The following NRXN3 variants were observed in gnomAD, a reference collection of about 807,000 sequenced individuals.
NRXN3 encodes neurexin III.
In NRXN3, 32 loss-of-function variants were observed where a neutral mutation model predicts 137.6. The observed-to-expected ratio is 0.23, with a 90% confidence interval of 0.18 to 0.31. The LOEUF (loss-of-function observed/expected upper bound fraction) is 0.31, where lower values mean the gene tolerates loss of function less well. Among genes scored for constraint, NRXN3 ranks in the 10% least tolerant of loss-of-function variants. The probability of loss-of-function intolerance (pLI) is 1.00; values close to 1 mark genes in which losing one functional copy is unlikely to be tolerated. For missense variants in NRXN3, 1,574 were observed against 2,062.5 expected (o/e 0.76, Z 4.59); for synonymous variants, 798 against 784.5 (o/e 1.02, Z -0.29).
chr14:78,594,213 C>T (rs1049961114), intron 4 of NRXN3, among the ~76,000 whole-genome samples: 6 of 152,212 alleles, frequency 3.9e-5, no homozygotes, highest in Admixed American at 2.6e-4. Context: ...GTACCAGCAT[C>T]GAGGGCGTGC....
intron 15 of NRXN3, among the ~76,000 whole-genome samples, chr14:79,052,309 C>A (rs1225303144): frequency 6.6e-6 from 1 of 152,148 alleles, no homozygotes; most frequent in African/African-American, 2.4e-5. Flanking sequence ...AAAATGATTT[C>A]TAGGATAAAA....
intron 8 of NRXN3, among the ~76,000 whole-genome samples, chr14:78,756,565 AGG>A (rs2098669500): frequency 6.7e-6 from 1 of 149,304 alleles, no homozygotes; most frequent in Non-Finnish European, 1.5e-5. Flanking sequence ...AAAAAAAAAA[AGG>A]TTCACTGTAA....
At chr14:78,498,553 G>A (rs1026193949) in intron 4 of NRXN3, among the ~76,000 whole-genome samples, 2 of 152,106 alleles carry the variant, frequency 1.3e-5, no homozygotes, top group African/African-American at 2.4e-5. Context: ...ACCTGGTTGG[G>A]GGTAGGGATA....
chr14:79,823,697 G>A (rs937133007), intron 20 of NRXN3, among the ~76,000 whole-genome samples: 5 of 152,264 alleles, frequency 3.3e-5, no homozygotes, highest in Middle Eastern at 3.4e-3. Flanking sequence ...ACCAGCAAGG[G>A]AAATGTTTTA....
chr14:79,749,101 T>A (rs1009138501), intron 19 of NRXN3, among the ~76,000 whole-genome samples: 1 of 152,100 alleles, frequency 6.6e-6, no homozygotes, highest in Non-Finnish European at 1.5e-5. Flanking sequence ...GTTTGAAGTG[T>A]GCTTGAAAGT....
chr14:78,466,651 A>G (rs2095115638), intron 4 of NRXN3, among the ~76,000 whole-genome samples: 1 of 152,128 alleles, frequency 6.6e-6, no homozygotes, highest in South Asian at 2.1e-4. Flanking sequence ...GGTGGACTTG[A>G]CCTGTATTTT....
At chr14:79,291,194 A>G (rs578023259) in intron 15 of NRXN3, among the ~76,000 whole-genome samples, 109 of 152,330 alleles carry the variant, frequency 7.2e-4, no homozygotes, top group Non-Finnish European at 1.3e-3. Context: ...TAAGTTAAAC[A>G]CAAGATGATA....
chr14:79,277,956 G>A (rs1246459047), intron 15 of NRXN3, among the ~76,000 whole-genome samples: 1 of 152,168 alleles, frequency 6.6e-6, no homozygotes, highest in African/African-American at 2.4e-5. Context: ...TGGACTTGAT[G>A]TATGACCTTG....
chr14:78,308,068 A>C (rs1014596), intron 4 of NRXN3, among the ~76,000 whole-genome samples: 3 of 151,538 alleles, frequency 2.0e-5, no homozygotes, highest in African/African-American at 7.3e-5. Flanking sequence ...TTGGGATGAA[A>C]AATGTTGCTT....
chr14:78,926,032 T>C (rs374603567), intron 10 of NRXN3, among the ~76,000 whole-genome samples: 4 of 152,320 alleles, frequency 2.6e-5, no homozygotes, highest in African/African-American at 9.6e-5. Flanking sequence ...CTTTTACAGC[T>C]GAGGAAACTC....
intron 19 of NRXN3, among the ~76,000 whole-genome samples, chr14:79,705,668 G>C (rs10400692): frequency 1.3e-5 from 2 of 151,792 alleles, no homozygotes; most frequent in Non-Finnish European, 2.9e-5. Context: ...TCTGCCTGCA[G>C]CAGCCCTTCC....
chr14:78,794,606 TTGTGTGTG>T (rs144494895), intron 8 of NRXN3, among the ~76,000 whole-genome samples: 6 of 147,002 alleles, frequency 4.1e-5, no homozygotes, highest in African/African-American at 9.9e-5. Context: ...TCTATTCTAT[TTGTGTGTG>T]TGTGTGTGTG....
At chr14:79,035,591 A>G (rs916048622) in intron 15 of NRXN3, among the ~76,000 whole-genome samples, 7 of 152,036 alleles carry the variant, frequency 4.6e-5, no homozygotes, top group East Asian at 1.9e-4. Context: ...TAACTGTACC[A>G]TATTTCCTTT....
Position 78,243,328 on chromosome 14 carries a change from TC to T in NRXN3, c.238del (p.Leu80TrpfsTer25). 6.4e-7 allele frequency: 1 copy of T among 1,560,072 alleles called. No individual in the cohort carries two copies. The highest frequency in any genetic ancestry group is 8.6e-7 in the Non-Finnish European group (1 of 1,160,316). On this transcript the variant is annotated frameshift_variant, in exon 2 of 21. Coordinates refer to ENST00000335750, the MANE Select transcript of NRXN3 (RefSeq NM_001330195.2). LOFTEE classifies it high-confidence loss of function. The surrounding 1 kb of genome is among the most constrained non-coding windows in gnomAD (Gnocchi z 4.2). ...DGGVCDFLCL[S>X]LVDGRVQLRF... ...CGGCGTCTGCGACTTCCTATGCCTC[TC>T]CCTGGTGGATGGCCGCGTTCAGCTC...
At chr14:79,360,672 G>A (rs2093653061) in intron 15 of NRXN3, among the ~76,000 whole-genome samples, 1 of 152,016 alleles carries the variant, frequency 6.6e-6, no homozygotes, top group South Asian at 2.1e-4. Context: ...CTTTAAAAAT[G>A]GTCACAAAGA....
intron 4 of NRXN3, among the ~76,000 whole-genome samples, chr14:78,404,752 A>G (rs529080483): frequency 6.6e-6 from 1 of 152,308 alleles, no homozygotes; most frequent in East Asian, 1.9e-4. Context: ...ATAAGCTCGG[A>G]TTGATATTCT....
intron 1 of NRXN3, among the ~76,000 whole-genome samples, chr14:78,183,300 A>G (rs921997656): frequency 1.1e-4 from 17 of 151,922 alleles, no homozygotes; most frequent in Non-Finnish European, 1.5e-5. Flanking sequence ...CCTAGTTGCT[A>G]ATTAGTGAGA....
At chr14:78,999,885 A>C (rs1479386685) in intron 15 of NRXN3, among the ~76,000 whole-genome samples, 1 of 152,144 alleles carries the variant, frequency 6.6e-6, no homozygotes, top group Admixed American at 6.6e-5. Flanking sequence ...ACAGTCTAGT[A>C]CTCTAGTGAT....
chr14:78,481,914 G>A (rs1408545760), intron 4 of NRXN3, among the ~76,000 whole-genome samples: 1 of 151,848 alleles, frequency 6.6e-6, no homozygotes, highest in Non-Finnish European at 1.5e-5. Context: ...ATTTTTTAGG[G>A]TATCTCCCCA....
Sources: allele counts gnomAD v4.1 joint callset (sites outside exome capture counted in the v4.1 genomes callset), GRCh38; gene constraint gnomAD v4.1.1; non-coding constraint Gnocchi (gnomAD v3.1); transcripts MANE v1.5; gene names NCBI Gene and HGNC (gene_info 2026-07-23, HGNC 2026-07-21).